The following CTNNA2 variants were observed in gnomAD, a reference collection of about 807,000 sequenced individuals.
The protein encoded by CTNNA2 is catenin alpha 2.
Under a neutral mutation model 101.0 loss-of-function variants are expected in CTNNA2, and 42 were observed. That is an observed-to-expected ratio of 0.42 (90% CI 0.32 to 0.54). The LOEUF is 0.54. CTNNA2 is among the 20% of genes least tolerant of loss of function. The probability of loss-of-function intolerance (pLI) is 0.14; values close to 1 mark genes in which losing one functional copy is unlikely to be tolerated. For synonymous variants in CTNNA2, 450 were observed against 456.4 expected, an observed-to-expected ratio of 0.99 and a Z score of 0.18; for missense variants, 871 against 1,223.1, an observed-to-expected ratio of 0.71 and a Z score of 4.29.
chr2:80,211,896 G>A (rs1707917940), intron 7 of CTNNA2, among the ~76,000 whole-genome samples: 1 of 152,044 alleles, frequency 6.6e-6, no homozygotes, highest in Non-Finnish European at 1.5e-5. Context: ...ATTTTGTTGA[G>A]CAGTGGTTTG....
intron 7 of CTNNA2, among the ~76,000 whole-genome samples, chr2:80,245,207 C>G (rs183973048): frequency 2.0e-5 from 3 of 152,186 alleles, no homozygotes; most frequent in Non-Finnish European, 4.4e-5. Flanking sequence ...CTGCAGTGTT[C>G]AGAACCAGCT....
intron 6 of CTNNA2, among the ~76,000 whole-genome samples, chr2:79,885,065 G>C (rs1270726862): frequency 6.6e-6 from 1 of 152,106 alleles, no homozygotes; most frequent in African/African-American, 2.4e-5. Context: ...AGCCGTAGTA[G>C]TTCACATGGC....
intron 3 of CTNNA2, among the ~76,000 whole-genome samples, chr2:79,774,274 C>A (rs1436056969): frequency 6.6e-6 from 1 of 152,090 alleles, no homozygotes; most frequent in Non-Finnish European, 1.5e-5. Context: ...ATCTTAACCC[C>A]CTGCTGACAG....
intron 4 of CTNNA2, among the ~76,000 whole-genome samples, chr2:79,411,523 C>T (rs1018562893): frequency 3.3e-5 from 5 of 152,018 alleles, no homozygotes; most frequent in Non-Finnish European, 5.9e-5. Context: ...CAAAGGGAAG[C>T]CCATCAGACT....
At chr2:79,745,148 C>G (rs7579166) in intron 3 of CTNNA2, among the ~76,000 whole-genome samples, 5,402 of 152,156 alleles carry the variant, frequency 0.036, 332 homozygotes, top group African/African-American at 0.12. Context: ...GTTCTAACTA[C>G]GGCCGGGTGC....
Position 80,456,229 on chromosome 2 carries a change from C to T in CTNNA2, c.1290+36628C>T, listed in dbSNP as rs562446517. 2.6e-5 allele frequency among the ~76,000 whole-genome samples: 4 copies of T among 152,248 alleles called. No homozygotes were observed. In the South Asian group the frequency reaches 8.3e-4, roughly 32 times the overall value. ...AGTACCCGGGTTGTAGACCAATGCT[C>T]CTATGTGTAATAAAAAGTTACTTGC... On this transcript the variant is annotated intron_variant, in intron 9 of 18. Coordinates refer to ENST00000402739, the MANE Select transcript of CTNNA2 (RefSeq NM_001282597.3).
intron 7 of CTNNA2, among the ~76,000 whole-genome samples, chr2:79,968,815 C>T (rs886732528): frequency 2.0e-5 from 3 of 148,544 alleles, no homozygotes; most frequent in African/African-American, 7.3e-5. Context: ...CAAGTGTTTA[C>T]ATGGCATGAC....
chr2:80,564,493 G>C (rs1030882565), intron 12 of CTNNA2, among the ~76,000 whole-genome samples: 1 of 145,604 alleles, frequency 6.9e-6, no homozygotes, highest in Non-Finnish European at 1.5e-5. Context: ...TAGTTGTCGT[G>C]AATGGAATTT....
At chr2:79,790,353 G>GGT (rs1333657917) in intron 3 of CTNNA2, among the ~76,000 whole-genome samples, 1 of 152,170 alleles carries the variant, frequency 6.6e-6, no homozygotes, top group Non-Finnish European at 1.5e-5. Context: ...ACGCAGAAAG[G>GGT]GTGAGTAAGG....
At chr2:80,090,158 G>C (rs796813618) in intron 7 of CTNNA2, among the ~76,000 whole-genome samples, 11,709 of 84,676 alleles carry the variant, frequency 0.14, 603 homozygotes, top group South Asian at 0.43. Flanking sequence ...GTGTGTGTGT[G>C]TGTGTGTGTG....
chr2:79,344,744 C>CA (rs1677216307), intron 3 of CTNNA2, among the ~76,000 whole-genome samples: 2 of 149,762 alleles, frequency 1.3e-5, no homozygotes, highest in African/African-American at 4.9e-5. Context: ...CAATCTCTTG[C>CA]AAGCTATGTG....
At chr2:79,358,182 A>AT (rs1273807794) in intron 3 of CTNNA2, among the ~76,000 whole-genome samples, 1 of 151,452 alleles carries the variant, frequency 6.6e-6, no homozygotes, top group Non-Finnish European at 1.5e-5. Context: ...CTTGAATGGA[A>AT]TTTTTGTCTT....
intron 3 of CTNNA2, among the ~76,000 whole-genome samples, chr2:79,793,615 C>G (rs933766776): frequency 2.0e-5 from 3 of 151,980 alleles, no homozygotes; most frequent in African/African-American, 7.3e-5. Flanking sequence ...AAGAGAGTCT[C>G]GAATAAAGGG....
intron 7 of CTNNA2, among the ~76,000 whole-genome samples, chr2:80,010,912 G>A (rs2104019478): frequency 6.6e-6 from 1 of 152,214 alleles, no homozygotes; most frequent in Middle Eastern, 3.4e-3. Context: ...CGAAATCTCT[G>A]TAAAATTGAG....
At chr2:79,708,170 G>A (rs775604691) in intron 2 of CTNNA2, among the ~76,000 whole-genome samples, 15 of 152,118 alleles carry the variant, frequency 9.9e-5, no homozygotes, top group South Asian at 4.1e-4. Context: ...TTCTCACGGC[G>A]TGCTTATACA....
At chr2:80,091,032 A>G (rs1248119288) in intron 7 of CTNNA2, among the ~76,000 whole-genome samples, 2 of 152,128 alleles carry the variant, frequency 1.3e-5, no homozygotes, top group Non-Finnish European at 2.9e-5. Flanking sequence ...AGAGATTTGG[A>G]ATTGTATTAA....
intron 2 of CTNNA2, among the ~76,000 whole-genome samples, chr2:79,665,828 G>A (rs906957200): frequency 2.0e-5 from 3 of 152,138 alleles, no homozygotes; most frequent in Non-Finnish European, 2.9e-5. Flanking sequence ...CCTGGAACAT[G>A]TTAGTTAAAT....
intron 15 of CTNNA2, among the ~76,000 whole-genome samples, chr2:80,600,293 G>A (rs1245357057): frequency 6.6e-6 from 1 of 151,866 alleles, no homozygotes; most frequent in East Asian, 1.9e-4. Context: ...CAATTACCTT[G>A]GGATAAGGAA....
At chr2:80,563,010 AACAGCACTTCTCTAGTGCCT>A (rs61112220) in intron 12 of CTNNA2, among the ~76,000 whole-genome samples, 31,933 of 150,502 alleles carry the variant, frequency 0.21, 3,604 homozygotes, top group African/African-American at 0.27. Flanking sequence ...CAGCAGAACA[AACAGCACTTCTCTAGTGCCT>A]GTTTGTCAAA....
Sources: allele counts gnomAD v4.1 joint callset (sites outside exome capture counted in the v4.1 genomes callset), GRCh38; gene constraint gnomAD v4.1.1; transcripts MANE v1.5; gene names NCBI Gene and HGNC (gene_info 2026-07-23, HGNC 2026-07-21).